Variants in MGAT4C observed in about 807,000 individuals in gnomAD.
MGAT4C encodes alpha-1,3-mannosyl-glycoprotein 4-beta-N-acetylglucosaminyltransferase C.
In MGAT4C, 19 loss-of-function variants were observed where a neutral mutation model predicts 40.1. That is an observed-to-expected ratio of 0.47 (90% CI 0.33 to 0.70). MGAT4C has a LOEUF of 0.70. Among genes scored for constraint, MGAT4C ranks in the 30% least tolerant of loss-of-function variants. The probability of loss-of-function intolerance (pLI) is 0.02; values close to 1 mark genes in which losing one functional copy is unlikely to be tolerated. For missense variants in MGAT4C, 491 were observed against 563.2 expected, an observed-to-expected ratio of 0.87 and a Z score of 1.30; for synonymous variants, 181 against 187.1, an observed-to-expected ratio of 0.97 and a Z score of 0.27.
intron 1 of MGAT4C, among the ~76,000 whole-genome samples, chr12:86,081,435 T>A (rs1414478390): frequency 6.6e-6 from 1 of 152,176 alleles, no homozygotes; most frequent in Non-Finnish European, 1.5e-5. Context: ...ATGCTGTTTA[T>A]TATAATATTA....
At chr12:86,023,548 G>C (rs974210695) in intron 2 of MGAT4C, among the ~76,000 whole-genome samples, 9 of 149,594 alleles carry the variant, frequency 6.0e-5, no homozygotes, top group African/African-American at 2.2e-4. Context: ...ATCCTGTTTT[G>C]TAACTTCAAA....
chr12:86,612,665 G>A (rs568670151), intron 2 of MGAT4C, among the ~76,000 whole-genome samples: 9 of 150,844 alleles, frequency 6.0e-5, no homozygotes, highest in African/African-American at 2.2e-4. Context: ...GCTTGAATCC[G>A]GGAAGCGAAG....
intron 2 of MGAT4C, among the ~76,000 whole-genome samples, chr12:86,545,786 AC>A (rs1959190012): frequency 6.6e-6 from 1 of 151,884 alleles, no homozygotes; most frequent in Non-Finnish European, 1.5e-5. Flanking sequence ...AGAAAAAAAA[AC>A]AAAAACTGAA....
At position 86,568,545 on chromosome 12, in the gene MGAT4C, C is replaced by CATATATATATATAT. The variant is rs1232291041; in HGVS notation, c.-228-133294_-228-133281dup. ...AGTCAATATTCCTTAAACTCCCCTT[C>CATATATATATATAT]ATATATATATATATATATATATCCT... On this transcript the variant is annotated intron_variant, in intron 2 of 7. Transcript: ENST00000548651. 3.2e-4 allele frequency among the ~76,000 whole-genome samples: 45 copies of CATATATATATATAT among 138,756 alleles called. No homozygotes were observed. The East Asian group carries it at 3.3e-3, about 10-fold the overall frequency. 91.0% of individuals were successfully genotyped at this position (138,756 alleles called of 152,430 possible).
intron 1 of MGAT4C, among the ~76,000 whole-genome samples, chr12:86,117,943 G>A (rs1436983933): frequency 6.6e-6 from 1 of 152,096 alleles, no homozygotes; most frequent in East Asian, 1.9e-4. Flanking sequence ...ACGAATAGCT[G>A]CCTAAATTGA....
At chr12:86,351,337 G>C (rs1160707396) in intron 3 of MGAT4C, among the ~76,000 whole-genome samples, 1 of 151,976 alleles carries the variant, frequency 6.6e-6, no homozygotes, top group Non-Finnish European at 1.5e-5. Context: ...GATGGTAGTA[G>C]AGATATACAT....
chr12:86,823,752 TGAAA>T (rs1210233324), intron 1 of MGAT4C, among the ~76,000 whole-genome samples: 1 of 148,712 alleles, frequency 6.7e-6, no homozygotes, highest in African/African-American at 2.5e-5. Context: ...AAAATACAGG[TGAAA>T]GAAAGAAAAC....
intron 1 of MGAT4C, among the ~76,000 whole-genome samples, chr12:86,101,306 C>T (rs575231195): frequency 6.6e-6 from 1 of 151,810 alleles, no homozygotes; most frequent in South Asian, 2.1e-4. Context: ...TCATAATTTA[C>T]TGTGACACTG....
intron 2 of MGAT4C, among the ~76,000 whole-genome samples, chr12:86,609,732 AT>A (rs11361953): frequency 0.088 from 12,986 of 148,054 alleles, 906 homozygotes; most frequent in African/African-American, 0.19. Context: ...AAAAAGTAAG[AT>A]TTTTTTTTTT....
intron 4 of MGAT4C, among the ~76,000 whole-genome samples, chr12:86,284,706 C>T (rs184268626): frequency 2.6e-5 from 4 of 152,008 alleles, no homozygotes; most frequent in Non-Finnish European, 4.4e-5. Context: ...TGTAAGTGTA[C>T]ACTTTTTCCT....
intron 2 of MGAT4C, among the ~76,000 whole-genome samples, chr12:86,519,454 AC>A (rs1246810465): frequency 5.9e-5 from 9 of 151,988 alleles, no homozygotes; most frequent in African/African-American, 2.2e-4. Flanking sequence ...TGGCAGTTCT[AC>A]CTTTAGTTTT....
rs1330433663 is a variant in MGAT4C, at chr12:86,047,103, T to C, written c.-7+2571A>G. Among the ~76,000 whole-genome samples the C allele has an allele frequency of 2.0e-5, 3 of 152,164 alleles. No homozygotes were observed. In the East Asian group the frequency reaches 5.8e-4, roughly 29 times the overall value. ...CCAAAACAAAGCCCTTTGGAGTCCT[T>C]AATGATTCTCAAGAAACTGATATTC... is the stretch of plus-strand genomic sequence containing the variant. On this transcript the variant is annotated intron_variant, in intron 2 of 4. Transcript: ENST00000611864.
rs12578299 is a variant in MGAT4C at position 86,511,440 on chromosome 12, G to A, written c.-228-76175C>T. ...TATTATTTTGATGCTATTATAAATC[G>A]AACTGTTTTCTTAATTTTCTTCCAG... On this transcript the variant is annotated intron_variant, in intron 2 of 7. Transcript: ENST00000548651. Among the ~76,000 whole-genome samples, 306 of 152,022 alleles carry A rather than the reference G, an allele frequency of 2.0e-3. 11 individuals are homozygous for A. In the East Asian group the frequency reaches 0.05, roughly 25 times the overall value.
chr12:86,465,489 C>T (rs76456611), intron 2 of MGAT4C, among the ~76,000 whole-genome samples: 9,848 of 151,806 alleles, frequency 0.065, 759 homozygotes, highest in East Asian at 0.24. Flanking sequence ...TAATAAAAGG[C>T]CATTATCCAA....
chr12:86,205,476 A>G (rs1403036831), intron 1 of MGAT4C, among the ~76,000 whole-genome samples: 1 of 151,660 alleles, frequency 6.6e-6, no homozygotes, highest in Non-Finnish European at 1.5e-5. Flanking sequence ...AAACATATAT[A>G]ATTTTCAACA....
intron 1 of MGAT4C, among the ~76,000 whole-genome samples, chr12:86,774,348 TCTCTCCCCTC>T (rs1565981732): frequency 1.6e-4 from 10 of 63,464 alleles, no homozygotes; most frequent in African/African-American, 4.3e-4. Flanking sequence ...TCTGTCTCTC[TCTCTCCCCTC>T]TCTCTCTCTC....
At chr12:86,111,783 A>C (rs2135644637) in intron 1 of MGAT4C, among the ~76,000 whole-genome samples, 1 of 151,932 alleles carries the variant, frequency 6.6e-6, no homozygotes, top group East Asian at 1.9e-4. Context: ...TAAAAACCTA[A>C]AATCACAGAA....
chr12:86,750,081 A>T (rs1178678014), intron 1 of MGAT4C, among the ~76,000 whole-genome samples: 1 of 151,864 alleles, frequency 6.6e-6, no homozygotes, highest in Non-Finnish European at 1.5e-5. Flanking sequence ...GTCAAAATTT[A>T]GACAAATGGG....
chr12:86,659,436 C>T (rs770474737), intron 2 of MGAT4C, among the ~76,000 whole-genome samples: 28 of 151,976 alleles, frequency 1.8e-4, no homozygotes, highest in Non-Finnish European at 3.7e-4. Flanking sequence ...AAAATGGGAA[C>T]GACAGTAAAT....
Sources: gnomAD v4.1 joint callset for allele counts (sites outside exome capture counted in the v4.1 genomes callset) on GRCh38, gnomAD v4.1.1 for gene constraint, MANE v1.5 for transcripts, NCBI Gene and HGNC (gene_info 2026-07-23, HGNC 2026-07-21) for gene names.